Variants in SLC24A3 observed in about 807,000 individuals in gnomAD.
SLC24A3 encodes the protein solute carrier family 24 member 3, also known as sodium/potassium/calcium exchanger 3.
SLC24A3 carries 28 observed loss-of-function variants against 75.8 expected under a neutral mutation model. The ratio of observed to expected loss-of-function variants is 0.37; its 90% CI spans 0.27 to 0.51. The LOEUF (loss-of-function observed/expected upper bound fraction) is 0.51, where lower values mean the gene tolerates loss of function less well. Among genes scored for constraint, SLC24A3 ranks in the 20% least tolerant of loss-of-function variants. The pLI is 0.94. For synonymous variants in SLC24A3, 372 were observed against 334.1 expected (o/e 1.11, Z -1.24); for missense variants, 663 against 847.8 (o/e 0.78, Z 2.71).
intron 15 of SLC24A3, among the ~76,000 whole-genome samples, chr20:19,710,067 T>C (rs1306017840): frequency 6.6e-6 from 1 of 152,140 alleles, no homozygotes; most frequent in African/African-American, 2.4e-5. Flanking sequence ...GAACATCCAT[T>C]TGGAAACTAC....
intron 6 of SLC24A3, among the ~76,000 whole-genome samples, chr20:19,618,854 G>A (rs544854258): frequency 2.2e-4 from 33 of 152,284 alleles, no homozygotes; most frequent in African/African-American, 4.1e-4. Context: ...CCATGGGATC[G>A]AGGCATGCCC....
At chr20:19,473,381 T>C (rs1987906319) in intron 2 of SLC24A3, among the ~76,000 whole-genome samples, 1 of 152,198 alleles carries the variant, frequency 6.6e-6, no homozygotes, top group South Asian at 2.1e-4. Flanking sequence ...TAACTCACAA[T>C]GCACCACACT....
intron 7 of SLC24A3, among the ~76,000 whole-genome samples, chr20:19,662,873 G>A (rs559347110): frequency 3.8e-4 from 58 of 152,288 alleles, no homozygotes; most frequent in South Asian, 4.1e-4. Context: ...CTGAGGGAGC[G>A]ATTCAAATGC....
chr20:19,567,394 C>T (rs781743502), intron 3 of SLC24A3, among the ~76,000 whole-genome samples: 2 of 152,066 alleles, frequency 1.3e-5, no homozygotes, highest in African/African-American at 4.8e-5. Context: ...GGAGCTGGAG[C>T]AAATTAATAA....
chr20:19,454,492 T>C (rs1254919782), intron 2 of SLC24A3, among the ~76,000 whole-genome samples: 1 of 152,192 alleles, frequency 6.6e-6, no homozygotes, highest in Admixed American at 6.5e-5. Flanking sequence ...ATGTTAGCAA[T>C]TGGTTGGAAA....
intron 1 of SLC24A3, among the ~76,000 whole-genome samples, chr20:19,245,907 T>A (rs1300643392): frequency 6.6e-6 from 1 of 152,114 alleles, no homozygotes; most frequent in Admixed American, 6.5e-5. Flanking sequence ...GATTGAGAGA[T>A]TTTAATACAA....
chr20:19,478,722 G>A (rs1409328506), intron 2 of SLC24A3, among the ~76,000 whole-genome samples: 1 of 152,138 alleles, frequency 6.6e-6, no homozygotes, highest in South Asian at 2.1e-4. Context: ...TGCCTTCTGT[G>A]TCCGATAGAT....
At chr20:19,316,799 A>T (rs1417360362) in intron 2 of SLC24A3, among the ~76,000 whole-genome samples, 2 of 152,224 alleles carry the variant, frequency 1.3e-5, no homozygotes, top group Non-Finnish European at 2.9e-5. Context: ...CAAAATTTTT[A>T]AAAATAGAAT....
At chr20:19,242,295 A>C (rs187312714) in intron 1 of SLC24A3, 1 of 152,262 alleles carries the variant, frequency 6.6e-6, no homozygotes, top group East Asian at 1.9e-4. Flanking sequence ...TAGAAGCCCC[A>C]GGTTTTGTAG....
chr20:19,547,949 A>G (rs2030628037), intron 3 of SLC24A3, among the ~76,000 whole-genome samples: 1 of 152,258 alleles, frequency 6.6e-6, no homozygotes, highest in African/African-American at 2.4e-5. Flanking sequence ...ACTGTGGTAC[A>G]GTCCAGGATT....
At chr20:19,225,306 G>A (rs1164323115) in intron 1 of SLC24A3, among the ~76,000 whole-genome samples, 2 of 152,118 alleles carry the variant, frequency 1.3e-5, no homozygotes, top group South Asian at 2.1e-4. Flanking sequence ...TGATATGAAG[G>A]ACCTCTTGAA....
intron 2 of SLC24A3, among the ~76,000 whole-genome samples, chr20:19,357,476 T>A (rs1232271493): frequency 2.0e-5 from 3 of 152,064 alleles, no homozygotes; most frequent in African/African-American, 7.2e-5. Context: ...ACATTGCCTA[T>A]TTTTTCTTAT....
At chr20:19,310,554 A>G (rs1050293540) in intron 2 of SLC24A3, among the ~76,000 whole-genome samples, 2 of 152,198 alleles carry the variant, frequency 1.3e-5, no homozygotes, top group African/African-American at 2.4e-5. Flanking sequence ...GTTCTCTGGA[A>G]GGTCCGGGTT....
At chr20:19,522,615 G>C (rs920976416) in intron 3 of SLC24A3, among the ~76,000 whole-genome samples, 5 of 152,212 alleles carry the variant, frequency 3.3e-5, no homozygotes, top group African/African-American at 1.2e-4. Context: ...AGGCAGCTCA[G>C]CTGTGCTTGC....
intron 1 of SLC24A3, among the ~76,000 whole-genome samples, chr20:19,277,985 C>G (rs1983536738): frequency 1.3e-5 from 2 of 152,008 alleles, no homozygotes; most frequent in Admixed American, 6.5e-5. Flanking sequence ...GCATGACTCT[C>G]TCTTTAGGTA....
At chr20:19,462,179 G>GC (rs1987688583) in intron 2 of SLC24A3, among the ~76,000 whole-genome samples, 1 of 152,122 alleles carries the variant, frequency 6.6e-6, no homozygotes. Context: ...TCCCCTCAGA[G>GC]CCCCCTGGAG....
intron 1 of SLC24A3, among the ~76,000 whole-genome samples, chr20:19,262,383 C>T (rs1444593499): frequency 5.6e-4 from 68 of 122,356 alleles, no homozygotes; most frequent in Admixed American, 9.7e-4. Flanking sequence ...CCAGCCTGGG[C>T]GACAGAGCGA....
At chr20:19,693,494 G>C (rs2032770997) in intron 13 of SLC24A3, 69 bp downstream of exon 13, 8 of 1,565,228 alleles carry the variant, frequency 5.1e-6, no homozygotes, top group Non-Finnish European at 6.9e-6. Context: ...ATAAGAGTCA[G>C]GGTTTCAGCC....
intron 10 of SLC24A3, among the ~76,000 whole-genome samples, chr20:19,682,438 A>G (rs1800113956): frequency 6.6e-6 from 1 of 152,056 alleles, no homozygotes; most frequent in Non-Finnish European, 1.5e-5. Context: ...CCTCCCTTTC[A>G]CTACAATGTC....
Sources: gnomAD v4.1 joint callset for allele counts (sites outside exome capture counted in the v4.1 genomes callset) on GRCh38, gnomAD v4.1.1 for gene constraint, MANE v1.5 for transcripts, NCBI Gene and HGNC (gene_info 2026-07-23, HGNC 2026-07-21) for gene names.